Variants in CACNA1E observed in about 807,000 individuals in gnomAD.
CACNA1E encodes the protein voltage-dependent R-type calcium channel subunit alpha-1E.
Under a neutral mutation model 259.2 loss-of-function variants are expected in CACNA1E, and 40 were observed. That is an observed-to-expected ratio of 0.15 (90% CI 0.12 to 0.20). CACNA1E has a LOEUF of 0.20. Ranked by LOEUF, CACNA1E falls within the 10% of genes least tolerant of loss-of-function variation. CACNA1E has a pLI of 1.00. For missense variants in CACNA1E, 1,874 were observed against 3,040.1 expected, an observed-to-expected ratio of 0.62 and a Z score of 9.02; for synonymous variants, 1,104 against 1,138.5, an observed-to-expected ratio of 0.97 and a Z score of 0.61.
At chr1:181,341,747 C>T (rs1188814636) in intron 1 of CACNA1E, among the ~76,000 whole-genome samples, 1 of 152,228 alleles carries the variant, frequency 6.6e-6, no homozygotes, top group Non-Finnish European at 1.5e-5. Flanking sequence ...TCACTGCTCT[C>T]TACTCTACTC....
chr1:181,475,332 T>G (rs983243109), intron 2 of CACNA1E, among the ~76,000 whole-genome samples: 2 of 152,206 alleles, frequency 1.3e-5, no homozygotes, highest in African/African-American at 4.8e-5. Flanking sequence ...AATGGCAAAG[T>G]TACAGTTATG....
intron 44 of CACNA1E, among the ~76,000 whole-genome samples, chr1:181,792,877 G>T (rs1359765409): frequency 6.6e-6 from 1 of 152,214 alleles, no homozygotes; most frequent in Non-Finnish European, 1.5e-5. Context: ...GAGATTTCCA[G>T]TCCAACCTGA....
intron 3 of CACNA1E, among the ~76,000 whole-genome samples, chr1:181,534,989 A>G (rs921290183): frequency 2.6e-5 from 4 of 152,328 alleles, no homozygotes; most frequent in African/African-American, 7.2e-5. Context: ...ACAAATGCCA[A>G]CCAAAAGTAA....
chr1:181,794,778 C>A, intron 45 of CACNA1E, 86 bp from the exon 46 acceptor site: 1 of 1,258,898 alleles, frequency 7.9e-7, no homozygotes, highest in Non-Finnish European at 1.1e-6. Context: ...CCTTCCTTAA[C>A]GTCTCAGTCT....
chr1:181,323,569 T>C (rs1429273991), intron 1 of CACNA1E, among the ~76,000 whole-genome samples: 1 of 152,208 alleles, frequency 6.6e-6, no homozygotes, highest in Non-Finnish European at 1.5e-5. Context: ...TCTTACCCTT[T>C]ACTAGTCATA....
intron 2 of CACNA1E, among the ~76,000 whole-genome samples, chr1:181,415,809 C>T (rs1658226646): frequency 6.6e-6 from 1 of 152,204 alleles, no homozygotes; most frequent in Non-Finnish European, 1.5e-5. Context: ...CCCCTCACCA[C>T]CCAAATTCCT....
chr1:181,525,246 C>T (rs964693209), intron 3 of CACNA1E, among the ~76,000 whole-genome samples: 6 of 152,116 alleles, frequency 3.9e-5, no homozygotes, highest in East Asian at 1.9e-4. Flanking sequence ...TAAGGCCTAG[C>T]GGTGAGCAGT....
intron 2 of CACNA1E, among the ~76,000 whole-genome samples, chr1:181,421,202 G>A (rs1658714257): frequency 6.6e-6 from 1 of 152,152 alleles, no homozygotes; most frequent in African/African-American, 2.4e-5. Context: ...GGTAAATGAC[G>A]GGAACTCAGT....
intron 6 of CACNA1E, among the ~76,000 whole-genome samples, chr1:181,614,390 A>G (rs1438939315): frequency 6.6e-6 from 1 of 152,180 alleles, no homozygotes; most frequent in South Asian, 2.1e-4. Context: ...GACATTTCTT[A>G]TGGGCCCCAT....
At chr1:181,725,664 C>T (rs1415863440) in intron 17 of CACNA1E, among the ~76,000 whole-genome samples, 1 of 152,236 alleles carries the variant, frequency 6.6e-6, no homozygotes, top group Non-Finnish European at 1.5e-5. Flanking sequence ...TGGCGGGGTC[C>T]TTGCCTGGAA....
At chr1:181,405,468 G>C (rs1190600777) in intron 1 of CACNA1E, among the ~76,000 whole-genome samples, 1 of 152,186 alleles carries the variant, frequency 6.6e-6, no homozygotes, top group Non-Finnish European at 1.5e-5. Context: ...CCAAGTCCAA[G>C]GGGTTGTAGC....
At chr1:181,375,137 T>A (rs1292335852) in intron 1 of CACNA1E, among the ~76,000 whole-genome samples, 1 of 152,154 alleles carries the variant, frequency 6.6e-6, no homozygotes, top group African/African-American at 2.4e-5. Flanking sequence ...ACACAATTAG[T>A]CACAGGTGTC....
At chr1:181,377,019 C>G (rs1557953869) in intron 1 of CACNA1E, among the ~76,000 whole-genome samples, 1 of 152,090 alleles carries the variant, frequency 6.6e-6, no homozygotes, top group Non-Finnish European at 1.5e-5. Context: ...TTGAATGCCC[C>G]CGCTAGTTTT....
intron 7 of CACNA1E, among the ~76,000 whole-genome samples, chr1:181,681,920 G>C (rs1016016512): frequency 2.4e-4 from 37 of 152,110 alleles, no homozygotes; most frequent in African/African-American, 8.9e-4. Flanking sequence ...GCTTCTCTCT[G>C]ACCTCATCAC....
chr1:181,459,155 A>T (rs777669418), intron 2 of CACNA1E, among the ~76,000 whole-genome samples: 2 of 152,266 alleles, frequency 1.3e-5, no homozygotes, highest in African/African-American at 4.8e-5. Context: ...AAAGCCAGGA[A>T]GCAACCACTA....
rs75864968 is a variant in CACNA1E, at chr1:181,647,130, A to T, written c.952-4208A>T. On this transcript the variant is annotated intron_variant, in intron 6 of 47. Coordinates refer to ENST00000367573, the MANE Select transcript of CACNA1E (RefSeq NM_001205293.3). The stretch of plus-strand genomic sequence containing the variant: ...TGTAAGAGGACACTGACCAAAGAGA[A>T]GCACTCTCCTATGATGCCTGACTGA... Among the ~76,000 whole-genome samples, 879 of 152,262 alleles carry T rather than the reference A, an allele frequency of 5.8e-3. 3 individuals are homozygous for T. Among genetic ancestry groups the T allele is most frequent in the South Asian group, 0.021 (100 of 4,822 alleles).
At chr1:181,371,512 C>A (rs2101958999) in intron 1 of CACNA1E, among the ~76,000 whole-genome samples, 1 of 152,264 alleles carries the variant, frequency 6.6e-6, no homozygotes, top group Non-Finnish European at 1.5e-5. Context: ...TGAGCTCAAG[C>A]AATCCTGCCT....
intron 6 of CACNA1E, among the ~76,000 whole-genome samples, chr1:181,594,315 T>G (rs1652947276): frequency 6.6e-6 from 1 of 152,234 alleles, no homozygotes; most frequent in Non-Finnish European, 1.5e-5. Context: ...ATGTAACCTG[T>G]CATTGAAGAA....
At chr1:181,747,094 C>T (rs1657157471) in intron 25 of CACNA1E, among the ~76,000 whole-genome samples, 4 of 152,242 alleles carry the variant, frequency 2.6e-5, no homozygotes, top group Admixed American at 2.6e-4. Context: ...AGGCTCCTCA[C>T]AGCATGACCC....
Sources: gnomAD v4.1 joint callset for allele counts (sites outside exome capture counted in the v4.1 genomes callset) on GRCh38, gnomAD v4.1.1 for gene constraint, MANE v1.5 for transcripts, NCBI Gene and HGNC (gene_info 2026-07-23, HGNC 2026-07-21) for gene names.